MYOM2: variants seen among roughly 807,000 people sequenced by gnomAD.
MYOM2 encodes myomesin-2.
In MYOM2, 254 loss-of-function variants were observed where a neutral mutation model predicts 187.6. The observed-to-expected ratio is 1.35, with a 90% CI of 1.22 to 1.50. MYOM2 has a LOEUF of 1.50. Ranked by LOEUF, MYOM2 falls within the 40% of genes most tolerant of loss-of-function variation. The pLI, the probability that MYOM2 is intolerant of heterozygous loss-of-function variation, is 0.00. For synonymous variants in MYOM2, 981 were observed against 753.8 expected, an observed-to-expected ratio of 1.30 and a Z score of -4.94; for missense variants, 2,796 against 1,924.0, an observed-to-expected ratio of 1.45 and a Z score of -8.48.
intron 31 of MYOM2, among the ~76,000 whole-genome samples, chr8:2,124,460 C>T (rs950286276): frequency 1.3e-5 from 2 of 152,298 alleles, no homozygotes; most frequent in South Asian, 2.1e-4. Flanking sequence ...CCTGATTAGC[C>T]ACTTCTTCCA....
At chr8:2,126,367 C>G (rs1341558264) in intron 31 of MYOM2, among the ~76,000 whole-genome samples, 1 of 128,280 alleles carries the variant, frequency 7.8e-6, no homozygotes, top group African/African-American at 2.6e-5. Context: ...CTCACACCCA[C>G]ACACTCACAT....
At position 2,072,352 on chromosome 8, in the gene MYOM2, G is replaced by C. The variant is rs774524601; in HGVS notation, c.801G>C (p.Leu267=). 6.2e-7 allele frequency: 1 copy of C among 1,613,270 alleles called. No homozygotes were observed. Among genetic ancestry groups the C allele is most frequent in the Non-Finnish European group, 8.5e-7 (1 of 1,179,502 alleles). ...RSVGLPIGLP[L]SSMIPYTHFD... ...TCCATCGTTTCTGTGCAGTGCCCCTGTCATCGATGATTCCGTACACGCACT... is the reference window on the plus strand; with the variant it reads ...TCCATCGTTTCTGTGCAGTGCCCCTCTCATCGATGATTCCGTACACGCACT... The change falls in exon 9 of 37, where the codon CTG becomes CTC. Residue 267 remains leucine, a synonymous_variant. Coordinates refer to ENST00000262113, the MANE Select transcript of MYOM2 (RefSeq NM_003970.4).
In MYOM2 at chr8:2,140,855, C is replaced by T. The variant is rs1352247579; in HGVS notation, c.3933C>T (p.Asn1311=). ...TTGAGATTTTCGATGGCAAAGACAACCATCAACGCTCCCTTGACCTGTCCG... is the reference window on the plus strand; with the variant it reads ...TTGAGATTTTCGATGGCAAAGACAATCATCAACGCTCCCTTGACCTGTCCG... ...YTFEIFDGKD[N]HQRSLDLSGQ... Residue 1311 remains asparagine (N), a synonymous_variant, in exon 33 of 37, where the codon AAC becomes AAT. Coordinates refer to ENST00000262113, the MANE Select transcript of MYOM2 (RefSeq NM_003970.4). 1.2e-6 allele frequency: 2 copies of T among 1,613,840 alleles called. No individual in the cohort carries two copies. The highest frequency in any genetic ancestry group is 1.7e-6 in the Non-Finnish European group (2 of 1,179,936).
At chr8:2,067,024 G>A (rs548120650) in intron 6 of MYOM2, among the ~76,000 whole-genome samples, 30 of 152,282 alleles carry the variant, frequency 2.0e-4, no homozygotes, top group South Asian at 6.2e-4. Context: ...CTTGAGCAAC[G>A]GCAGTTAGGG....
Position 2,076,250 on chromosome 8 carries a change from TGA to T in MYOM2, c.1234_1235del (p.Ser412ProfsTer11), listed in dbSNP as rs1480469978. 6.2e-7 allele frequency: 1 copy of T among 1,613,726 alleles called. No individual in the cohort carries two copies. The highest frequency in any genetic ancestry group is 8.5e-7 in the Non-Finnish European group (1 of 1,179,920). On this transcript the variant is annotated frameshift_variant, in exon 11 of 37. Transcript: ENST00000262113. LOFTEE classifies it high-confidence loss of function. ...CCTGGAAGCCGCCCAACACCACCAC[TGA>T]GAGCCCCGTCATGGGCTATTTTGTG... ...VTWKPPNTTT[E>X]SPVMGYFVDR...
chr8:2,130,375 G>A lies in MYOM2; in HGVS notation c.3800+1143G>A, dbSNP rs80044757. The stretch of plus-strand genomic sequence containing the variant: ...GCCTTTAGTTAACGCCCCTCACTAC[G>A]CTATACCCAGGGTGCCCACACCCCG... On this transcript the variant is annotated intron_variant, in intron 32 of 36. Transcript: ENST00000262113. Among the ~76,000 whole-genome samples the A allele has an allele frequency of 1.4e-4, 12 of 88,222 alleles. 1 individual carries two copies. The highest frequency in any genetic ancestry group is 4.2e-4 in the African/African-American group (6 of 14,412). 57.9% of individuals were successfully genotyped at this position (88,222 alleles called of 152,430 possible). A position where few individuals can be genotyped will look rare whatever the true frequency, so the allele number is the denominator to read the frequency against.
At chr8:2,131,876 C>G (rs1280930810) in intron 32 of MYOM2, among the ~76,000 whole-genome samples, 1 of 152,090 alleles carries the variant, frequency 6.6e-6, no homozygotes. Context: ...ATCTCCTGAC[C>G]TCGTGATCCA....
intron 31 of MYOM2, among the ~76,000 whole-genome samples, chr8:2,125,653 G>A (rs1268197127): frequency 1.5e-5 from 2 of 133,752 alleles, no homozygotes; most frequent in Non-Finnish European, 3.1e-5. Context: ...CTGTTGCCAG[G>A]CTGTAGTGCA....
At position 2,096,264 on chromosome 8, in the gene MYOM2, T is replaced by A. The variant is rs753044621; in HGVS notation, c.2143T>A (p.Tyr715Asn). 3 of 1,614,082 alleles carry A rather than the reference T, an allele frequency of 1.9e-6. No individual in the cohort carries two copies. Among genetic ancestry groups the A allele is most frequent in the Non-Finnish European group, 2.5e-6 (3 of 1,180,004 alleles). The change falls in exon 18 of 37, where the codon TAT (tyrosine) becomes AAT (asparagine). Residue 715 changes from tyrosine (Y) to asparagine (N), a missense_variant. Coordinates refer to ENST00000262113, the MANE Select transcript of MYOM2 (RefSeq NM_003970.4). ...CCTTGCAGCCGTCCCGTCCCATCCT[T>A]ATGGGATTACGCTCCTCAACTGTGA... is the stretch of plus-strand genomic sequence containing the variant. ...QAALTVPSHPYGITLLNCDGH... is the reference protein window; with the variant it reads ...QAALTVPSHPNGITLLNCDGH...
chr8:2,050,763 C>T lies in MYOM2; in HGVS notation c.-4C>T. 5 of 1,606,478 alleles carry T rather than the reference C, an allele frequency of 3.1e-6. No homozygotes were observed. The highest frequency in any genetic ancestry group is 4.3e-6 in the Non-Finnish European group (5 of 1,173,382). On this transcript the variant is annotated 5_prime_UTR_variant, in exon 2 of 37. Transcript: ENST00000262113. ...TGTGACTCTCTTTGTAGGAGCACGC[C>T]AAGATGTCCCTTGTGACTGTCCCCT...
chr8:2,078,470 G>T (rs1377936118), intron 11 of MYOM2, among the ~76,000 whole-genome samples: 1 of 152,096 alleles, frequency 6.6e-6, no homozygotes, highest in Non-Finnish European at 1.5e-5. Flanking sequence ...GACAGAAATT[G>T]ATCTTCAGCT....
chr8:2,051,121 T>G (rs1401289251), intron 2 of MYOM2, among the ~76,000 whole-genome samples: 1 of 152,152 alleles, frequency 6.6e-6, no homozygotes, highest in African/African-American at 2.4e-5. Flanking sequence ...GGAAGTCCTT[T>G]GTATGAGCTC....
At position 2,094,365 on chromosome 8, in the gene MYOM2, A is replaced by T. The variant is rs188451956; in HGVS notation, c.2125+274A>T. 3.3e-5 allele frequency among the ~76,000 whole-genome samples: 5 copies of T among 152,316 alleles called. No homozygotes were observed. In the East Asian group the frequency reaches 9.6e-4, roughly 29 times the overall value. ...AATACCTGTACTCATGTTAAAATAT[A>T]TGCTGTAGGCTGGCGCAATGGCTCA... On this transcript the variant is annotated intron_variant, in intron 17 of 36. Coordinates refer to ENST00000262113, the MANE Select transcript of MYOM2 (RefSeq NM_003970.4).
intron 11 of MYOM2, chr8:2,076,487 G>T (rs1306921468): frequency 1.5e-6 from 1 of 651,866 alleles, no homozygotes. Context: ...AACCACACTG[G>T]GTTTCTTTTT....
chr8:2,047,702 A>C (rs1378334685), intron 1 of MYOM2, among the ~76,000 whole-genome samples: 1 of 152,194 alleles, frequency 6.6e-6, no homozygotes, highest in African/African-American at 2.4e-5. Context: ...TAAACGTGGC[A>C]AAGTGCCCTG....
At position 2,119,897 on chromosome 8, in the gene MYOM2, A is replaced by T. The variant is rs1486985212; in HGVS notation, c.3453+1945A>T. Reference sequence around the variant, plus strand: ...AATGAGGGGGCGGGGGGGATGCCAAAAACCAGGGCAGAGCAAGCGGCAGAT... The same window carrying T: ...AATGAGGGGGCGGGGGGGATGCCAATAACCAGGGCAGAGCAAGCGGCAGAT... On this transcript the variant is annotated intron_variant, in intron 28 of 36. Transcript: ENST00000262113. Among the ~76,000 whole-genome samples the T allele has an allele frequency of 6.6e-5, 10 of 152,120 alleles. No homozygotes were observed. The East Asian group carries it at 1.9e-3, about 29-fold the overall frequency.
intron 6 of MYOM2, among the ~76,000 whole-genome samples, chr8:2,064,646 C>A (rs186954664): frequency 1.3e-5 from 2 of 152,204 alleles, no homozygotes; most frequent in Non-Finnish European, 2.9e-5. Flanking sequence ...TGCTAATGCG[C>A]GAGGTTGCAC....
intron 6 of MYOM2, among the ~76,000 whole-genome samples, chr8:2,061,589 G>T (rs1585833993): frequency 6.6e-6 from 1 of 152,218 alleles, no homozygotes; most frequent in African/African-American, 2.4e-5. Context: ...CCGAGTCAGG[G>T]GGTCCACCAG....
chr8:2,071,108 C>CA (rs1211106435), intron 8 of MYOM2, among the ~76,000 whole-genome samples: 1 of 152,096 alleles, frequency 6.6e-6, no homozygotes, highest in Admixed American at 6.5e-5. Flanking sequence ...GCTGGGACTA[C>CA]AGGCGTGTGT....
Sources: gnomAD v4.1 joint callset for allele counts (sites outside exome capture counted in the v4.1 genomes callset) on GRCh38, gnomAD v4.1.1 for gene constraint, MANE v1.5 for transcripts, NCBI Gene and HGNC (gene_info 2026-07-23, HGNC 2026-07-21) for gene names.